GPR176: variants seen among roughly 807,000 people sequenced by gnomAD.
GPR176 encodes G-protein coupled receptor 176.
In GPR176, 26 loss-of-function variants were observed where a neutral mutation model predicts 35.4. That is an observed-to-expected ratio of 0.74 (90% CI 0.54 to 1.02). The LOEUF is 1.02. Among genes scored for constraint, GPR176 ranks in the 50% least tolerant of loss-of-function variants. The probability of loss-of-function intolerance (pLI) is 0.00; values close to 1 mark genes in which losing one functional copy is unlikely to be tolerated. For missense variants in GPR176, 597 were observed against 665.3 expected (o/e 0.90, Z 1.13); for synonymous variants, 278 against 271.3 (o/e 1.02, Z -0.24).
intron 1 of GPR176, among the ~76,000 whole-genome samples, chr15:39,826,268 G>A (rs760458281): frequency 1.3e-5 from 2 of 152,168 alleles, no homozygotes; most frequent in Non-Finnish European, 2.9e-5. Context: ...GGCAGCAGAT[G>A]AGGGAATTGA....
chr15:39,860,407 G>A (rs73399135), intron 1 of GPR176, among the ~76,000 whole-genome samples: 4,927 of 152,310 alleles, frequency 0.032, 269 homozygotes, highest in African/African-American at 0.11. Flanking sequence ...TCCTGCAAAG[G>A]AGAACAGAAG....
At chr15:39,838,819 G>A (rs1433336644) in intron 1 of GPR176, among the ~76,000 whole-genome samples, 1 of 152,160 alleles carries the variant, frequency 6.6e-6, no homozygotes. Flanking sequence ...CATAGTGTTG[G>A]AAGTTCTGGC....
At chr15:39,815,666 A>G (rs1418888710) in intron 1 of GPR176, among the ~76,000 whole-genome samples, 1 of 152,224 alleles carries the variant, frequency 6.6e-6, no homozygotes, top group Non-Finnish European at 1.5e-5. Context: ...GAATCTATCA[A>G]GTCTACTATA....
At chr15:39,844,547 G>T (rs549603914) in intron 1 of GPR176, among the ~76,000 whole-genome samples, 1 of 151,794 alleles carries the variant, frequency 6.6e-6, no homozygotes, top group East Asian at 1.9e-4. Flanking sequence ...CTGTTCCGAG[G>T]ACCTAATGGG....
intron 1 of GPR176, among the ~76,000 whole-genome samples, chr15:39,835,125 C>G (rs963442923): frequency 1.3e-5 from 2 of 152,112 alleles, no homozygotes; most frequent in Non-Finnish European, 2.9e-5. Context: ...TCAAGCAATT[C>G]TCCTGCTTCA....
chr15:39,823,153 C>G lies in GPR176; in HGVS notation c.173-15895G>C, dbSNP rs144483062. Among the ~76,000 whole-genome samples the G allele has an allele frequency of 7.4e-3, 1,120 of 152,222 alleles. 15 individuals are homozygous for G. The highest frequency in any genetic ancestry group is 0.026 in the African/African-American group (1,080 of 41,532). On this transcript the variant is annotated intron_variant, in intron 1 of 2. Coordinates refer to ENST00000561100, the MANE Select transcript of GPR176 (RefSeq NM_007223.3). ...GACCCTTCTCATGCTATCCTCTTCT[C>G]TAGACTATTTTAGGTGAAATTTTAA...
intron 1 of GPR176, among the ~76,000 whole-genome samples, chr15:39,830,979 G>A (rs1342045709): frequency 1.3e-5 from 2 of 152,146 alleles, no homozygotes; most frequent in Admixed American, 6.5e-5. Flanking sequence ...TAGTTTTCAA[G>A]CACTTCAAGA....
chr15:39,849,169 A>G (rs1428511311), intron 1 of GPR176, among the ~76,000 whole-genome samples: 1 of 152,148 alleles, frequency 6.6e-6, no homozygotes, highest in Non-Finnish European at 1.5e-5. Context: ...CATCAAGAGC[A>G]TAATAACGAA....
chr15:39,913,716 GT>G (rs1187270820), intron 1 of GPR176, among the ~76,000 whole-genome samples: 273 of 152,274 alleles, frequency 1.8e-3, no homozygotes, highest in African/African-American at 6.2e-3. Flanking sequence ...GAATTCAGTA[GT>G]AGTAGTGGTT....
chr15:39,876,291 T>C (rs1230951048), intron 1 of GPR176, among the ~76,000 whole-genome samples: 3 of 152,172 alleles, frequency 2.0e-5, no homozygotes, highest in East Asian at 3.8e-4. Flanking sequence ...TCAAAATTGA[T>C]AGTAAACATG....
rs372476558 is a variant in GPR176 at position 39,917,993 on chromosome 15, G to A, written c.172+1862C>T. 4.7e-4 allele frequency among the ~76,000 whole-genome samples: 71 copies of A among 149,828 alleles called. No individual in the cohort carries two copies. In the East Asian group the frequency reaches 8.5e-3, roughly 18 times the overall value. ...CCAGGAGGCAGAGGTTGCAGTGAGC[G>A]GAGATCATGCCATTGCACTCCAGCC... is the stretch of plus-strand genomic sequence containing the variant. On this transcript the variant is annotated intron_variant, in intron 1 of 2. Transcript: ENST00000561100.
intron 1 of GPR176, among the ~76,000 whole-genome samples, chr15:39,845,094 GGAA>G (rs1183122781): frequency 1.3e-5 from 2 of 152,240 alleles, no homozygotes; most frequent in African/African-American, 2.4e-5. Context: ...TCTCAGAGGA[GGAA>G]GAAGAATTCT....
intron 1 of GPR176, among the ~76,000 whole-genome samples, chr15:39,808,734 A>C (rs559939855): frequency 6.6e-6 from 1 of 152,238 alleles, no homozygotes; most frequent in African/African-American, 2.4e-5. Context: ...TGTTGAAGAA[A>C]TGAATTTGTA....
intron 1 of GPR176, among the ~76,000 whole-genome samples, chr15:39,849,193 C>A (rs1489824461): frequency 6.6e-6 from 1 of 152,074 alleles, no homozygotes; most frequent in East Asian, 1.9e-4. Context: ...ACCATACACA[C>A]ATAAATTTGA....
chr15:39,831,831 C>A (rs906819690), intron 1 of GPR176, among the ~76,000 whole-genome samples: 5 of 152,074 alleles, frequency 3.3e-5, no homozygotes, highest in Non-Finnish European at 7.4e-5. Context: ...AGAATGTTTC[C>A]TAAAATACAG....
intron 1 of GPR176, among the ~76,000 whole-genome samples, chr15:39,830,510 G>A (rs1900999576): frequency 6.6e-6 from 1 of 152,136 alleles, no homozygotes; most frequent in Non-Finnish European, 1.5e-5. Flanking sequence ...ACTGGAAGAG[G>A]GAGCACCCTG....
chr15:39,910,038 A>G (rs2033534481), intron 1 of GPR176: 1 of 186,012 alleles, frequency 5.4e-6, no homozygotes, highest in Non-Finnish European at 1.0e-5. Flanking sequence ...CAGGAAGGGA[A>G]TATCACCAGT....
At position 39,800,948 on chromosome 15, in the gene GPR176, C is replaced by T. The variant is rs1415620282; in HGVS notation, c.*184G>A. 1 of 590,858 alleles carries T rather than the reference C, an allele frequency of 1.7e-6. No individual in the cohort carries two copies. The highest frequency in any genetic ancestry group is 1.9e-5 in the African/African-American group (1 of 53,834). 36.6% of individuals were successfully genotyped at this position (590,858 alleles called of 1,614,324 possible). A position where few individuals can be genotyped will look rare whatever the true frequency, so the allele number is the denominator to read the frequency against. Reference sequence around the variant, plus strand: ...TCACTGAGATGGATACATATACTCCCTCAATAAAGAGGACACTGGATTTTA... The same window carrying T: ...TCACTGAGATGGATACATATACTCCTTCAATAAAGAGGACACTGGATTTTA... On this transcript the variant is annotated 3_prime_UTR_variant, in exon 3 of 3. Transcript: ENST00000561100.
Position 39,801,372 on chromosome 15 carries a change from C to T in GPR176, c.1308G>A (p.Pro436=), listed in dbSNP as rs772766613. ...STVDSVSQVA[P]AAPVEPETFP... ...ATGTTTCAGGTTCCACAGGGGCTGC[C>T]GGTGCCACCTGGGATACAGAGTCCA... The change falls in exon 3 of 3, where the codon CCG becomes CCA. Residue 436 remains proline (P), a synonymous_variant. Coordinates refer to ENST00000561100, the MANE Select transcript of GPR176 (RefSeq NM_007223.3). The T allele has an allele frequency of 1.1e-5, 18 of 1,614,020 alleles. No homozygotes were observed. Among genetic ancestry groups the T allele is most frequent in the African/African-American group, 6.7e-5 (5 of 74,908 alleles).
Sources: gnomAD v4.1 joint callset for allele counts (sites outside exome capture counted in the v4.1 genomes callset) on GRCh38, gnomAD v4.1.1 for gene constraint, MANE v1.5 for transcripts, NCBI Gene and HGNC (gene_info 2026-07-23, HGNC 2026-07-21) for gene names.